Variants in SYT16 observed in about 807,000 individuals in gnomAD.
SYT16 encodes the protein synaptotagmin 16.
Under a neutral mutation model 61.4 loss-of-function variants are expected in SYT16, and 42 were observed. That is an observed-to-expected ratio of 0.68 (90% CI 0.53 to 0.89). The LOEUF (loss-of-function observed/expected upper bound fraction) is 0.89. SYT16 is among the 40% of genes least tolerant of loss of function. SYT16 has a pLI of 0.00. For synonymous variants in SYT16, 314 were observed against 302.3 expected, an observed-to-expected ratio of 1.04 and a Z score of -0.40; for missense variants, 804 against 807.3, an observed-to-expected ratio of 1.00 and a Z score of 0.05.
In SYT16 at chr14:61,988,675, C is replaced by G. The variant is rs554862218; in HGVS notation, c.-144-7201C>G. ...AGCAGAAGTTTATAATTTTTTTAAA[C>G]TTTATTACACTTATTTTCAAAAGTA... On this transcript the variant is annotated intron_variant, in intron 2 of 7. Transcript: ENST00000683842. Among the ~76,000 whole-genome samples, 8 of 152,166 alleles carry G rather than the reference C, an allele frequency of 5.3e-5. No homozygotes were observed. In the South Asian group the frequency reaches 1.7e-3, roughly 32 times the overall value.
At chr14:61,931,817 T>C (rs2049783851) in intron 1 of SYT16, among the ~76,000 whole-genome samples, 1 of 152,218 alleles carries the variant, frequency 6.6e-6, no homozygotes, top group South Asian at 2.1e-4. Context: ...TTGTTACATA[T>C]GTATACATGT....
rs76977321 is a variant in SYT16, at chr14:61,875,411, A to C, written c.-325+62601A>C. Among the ~76,000 whole-genome samples the C allele has an allele frequency of 2.4e-3, 370 of 152,340 alleles. 5 individuals carry two copies. The highest frequency in any genetic ancestry group is 8.6e-3 in the African/African-American group (357 of 41,580). On this transcript the variant is annotated intron_variant, in intron 1 of 7. Coordinates refer to ENST00000683842, the MANE Select transcript of SYT16 (RefSeq NM_001367656.1). ...TACATAAAATAAAGACCGAAAACTC[A>C]AGAATTAGGAAAGAGATGGACAATT...
At chr14:61,845,638 C>G (rs2046425223) in intron 1 of SYT16, among the ~76,000 whole-genome samples, 1 of 152,058 alleles carries the variant, frequency 6.6e-6, no homozygotes, top group Non-Finnish European at 1.5e-5. Context: ...TTCAAAAAAC[C>G]AACTTTTTGT....
intron 3 of SYT16, among the ~76,000 whole-genome samples, chr14:62,027,014 G>A (rs147466901): frequency 6.8e-4 from 104 of 152,012 alleles, no homozygotes; most frequent in African/African-American, 2.3e-3. Flanking sequence ...GTGTGTCTCC[G>A]CAAAATTGTT....
intron 1 of SYT16, among the ~76,000 whole-genome samples, chr14:61,906,983 C>G (rs2048749640): frequency 6.6e-6 from 1 of 152,166 alleles, no homozygotes; most frequent in Non-Finnish European, 1.5e-5. Context: ...TTTTAAATGC[C>G]TGTTATTCAT....
chr14:62,041,681 A>G (rs548981460), intron 3 of SYT16, among the ~76,000 whole-genome samples: 2 of 151,842 alleles, frequency 1.3e-5, no homozygotes, highest in African/African-American at 2.4e-5. Flanking sequence ...AACTTTTTAT[A>G]TTTTTAGTAG....
chr14:61,959,024 G>C (rs2051003046), intron 1 of SYT16, among the ~76,000 whole-genome samples: 1 of 152,078 alleles, frequency 6.6e-6, no homozygotes, highest in African/African-American at 2.4e-5. Flanking sequence ...TCTTGTGACA[G>C]TTTTTGTCTT....
intron 1 of SYT16, among the ~76,000 whole-genome samples, chr14:61,840,765 T>G (rs968211589): frequency 6.6e-6 from 1 of 151,996 alleles, no homozygotes; most frequent in Non-Finnish European, 1.5e-5. Context: ...GGTAATTAGG[T>G]ATTAAGGGAG....
chr14:61,899,135 T>C (rs1341081824), intron 1 of SYT16, among the ~76,000 whole-genome samples: 1 of 152,208 alleles, frequency 6.6e-6, no homozygotes, highest in African/African-American at 2.4e-5. Flanking sequence ...AATAACTTTG[T>C]GAGGCAGGTA....
chr14:61,832,237 G>A, intron 1 of SYT16: 2 of 622,754 alleles, frequency 3.2e-6, no homozygotes, highest in Non-Finnish European at 6.3e-6. Flanking sequence ...TCGGGTACGG[G>A]ATAGTCACGT....
chr14:61,957,608 A>G (rs772093980), intron 1 of SYT16, among the ~76,000 whole-genome samples: 2 of 150,746 alleles, frequency 1.3e-5, no homozygotes, highest in Non-Finnish European at 2.9e-5. Context: ...TATTTCATGG[A>G]TTGATTTGTG....
chr14:61,912,071 A>T (rs1293201086), intron 1 of SYT16, among the ~76,000 whole-genome samples: 2 of 152,216 alleles, frequency 1.3e-5, no homozygotes, highest in Non-Finnish European at 2.9e-5. Flanking sequence ...TATTTTCAAG[A>T]TGATTATGGG....
intron 1 of SYT16, among the ~76,000 whole-genome samples, chr14:61,944,830 A>G (rs2050355644): frequency 1.3e-5 from 2 of 152,254 alleles, no homozygotes; most frequent in African/African-American, 4.8e-5. Flanking sequence ...AGACATGGCC[A>G]AAGACTTCAA....
intron 2 of SYT16, among the ~76,000 whole-genome samples, chr14:61,993,810 GA>G (rs2052654747): frequency 6.6e-6 from 1 of 152,118 alleles, no homozygotes; most frequent in Admixed American, 6.5e-5. Flanking sequence ...CCAATTTACT[GA>G]GTACATAATA....
chr14:62,039,660 G>A (rs1487324511), intron 3 of SYT16, among the ~76,000 whole-genome samples: 1 of 152,044 alleles, frequency 6.6e-6, no homozygotes, highest in Non-Finnish European at 1.5e-5. Context: ...CAGGAATTCA[G>A]CAGACAGAGC....
At chr14:62,089,527 G>A (rs1054516159) in intron 7 of SYT16, among the ~76,000 whole-genome samples, 1 of 151,850 alleles carries the variant, frequency 6.6e-6, no homozygotes, top group African/African-American at 2.4e-5. Flanking sequence ...AAAAAATCAT[G>A]TATGTGGGCT....
At chr14:61,859,251 C>T (rs377077152) in intron 1 of SYT16, among the ~76,000 whole-genome samples, 44 of 152,178 alleles carry the variant, frequency 2.9e-4, no homozygotes, top group Admixed American at 8.5e-4. Context: ...TGAATGCTGG[C>T]GGGAACTAGG....
intron 1 of SYT16, among the ~76,000 whole-genome samples, chr14:61,838,733 T>G (rs958889416): frequency 6.6e-6 from 1 of 152,198 alleles, no homozygotes; most frequent in Non-Finnish European, 1.5e-5. Flanking sequence ...TGACTCTTGC[T>G]AAGGACTCAA....
intron 1 of SYT16, among the ~76,000 whole-genome samples, chr14:61,956,129 C>T (rs1374221131): frequency 6.6e-6 from 1 of 151,798 alleles, no homozygotes; most frequent in East Asian, 1.9e-4. Flanking sequence ...GTCCTTTGCC[C>T]ATTTATTAAT....
Sources: allele counts gnomAD v4.1 joint callset (sites outside exome capture counted in the v4.1 genomes callset), GRCh38; gene constraint gnomAD v4.1.1; transcripts MANE v1.5; gene names NCBI Gene and HGNC (gene_info 2026-07-23, HGNC 2026-07-21).